MTIF2: variants seen among roughly 807,000 people sequenced by gnomAD.
MTIF2 encodes mitochondrial translational initiation factor 2.
Under a neutral mutation model 83.5 loss-of-function variants are expected in MTIF2, and 71 were observed. The ratio of observed to expected loss-of-function variants is 0.85; its 90% CI spans 0.70 to 1.04. The LOEUF is 1.04. Ranked by LOEUF, MTIF2 falls within the 50% of genes least tolerant of loss-of-function variation. The pLI is 0.00. For synonymous variants in MTIF2, 319 were observed against 287.1 expected, an observed-to-expected ratio of 1.11 and a Z score of -1.12; for missense variants, 957 against 846.5, an observed-to-expected ratio of 1.13 and a Z score of -1.62.
chr2:55,255,541 A>G (rs532099512), intron 5 of MTIF2, among the ~76,000 whole-genome samples: 2 of 145,488 alleles, frequency 1.4e-5, no homozygotes, highest in African/African-American at 2.7e-5. Context: ...CTCATGGCCA[A>G]TTGCACTATA....
intron 5 of MTIF2, among the ~76,000 whole-genome samples, chr2:55,258,018 T>C (rs762628262): frequency 1.3e-5 from 2 of 152,166 alleles, no homozygotes; most frequent in African/African-American, 2.4e-5. Context: ...TCTCAAACTC[T>C]TGGGCTCAAG....
At chr2:55,249,709 C>T (rs561165931) in intron 8 of MTIF2, among the ~76,000 whole-genome samples, 175 bp from the exon 9 acceptor site, 1 of 152,246 alleles carries the variant, frequency 6.6e-6, no homozygotes, top group South Asian at 2.1e-4. Context: ...CTGCGCTCTA[C>T]ATATAGAGAA....
rs1488795163 is a variant in MTIF2, at chr2:55,249,411, G to A, written c.965C>T (p.Pro322Leu). The part of the protein sequence containing the change: ...EDYGGDVQAV[P>L]VSALTGDNLM... ...CGCATTTACCGTAAGTGCGGAGACA[G>A]GCACTGCTTGAACATCACCTCCATA... The change falls in exon 9 of 16, where the codon CCT (proline) becomes CTT (leucine). Residue 322 changes from proline (P) to leucine (L), a missense_variant. Physicochemically the swap from Pro to Leu is moderately conservative, Grantham distance 98. Transcript: ENST00000263629. 6.2e-7 allele frequency: 1 copy of A among 1,614,142 alleles called. No homozygotes were observed. Among genetic ancestry groups the A allele is most frequent in the Non-Finnish European group, 8.5e-7 (1 of 1,180,016 alleles).
At chr2:55,264,112 A>T (rs1420513488) in intron 3 of MTIF2, among the ~76,000 whole-genome samples, 3 of 152,228 alleles carry the variant, frequency 2.0e-5, no homozygotes, top group Non-Finnish European at 4.4e-5. Flanking sequence ...TTGAAATACA[A>T]TAACAACTTG....
At chr2:55,238,497 T>C (rs12988617) in intron 14 of MTIF2, among the ~76,000 whole-genome samples, 1 of 150,866 alleles carries the variant, frequency 6.6e-6, no homozygotes, top group Non-Finnish European at 1.5e-5. Context: ...GTTCAAGCGA[T>C]TCTCCTGCCT....
At position 55,258,936 on chromosome 2, in the gene MTIF2, T is replaced by C. The variant is rs886226639; in HGVS notation, c.331+3380A>G. On this transcript the variant is annotated intron_variant, in intron 5 of 15. Coordinates refer to ENST00000263629, the MANE Select transcript of MTIF2 (RefSeq NM_002453.3). Reference sequence around the variant, plus strand: ...TGGAGGTTGCAGTGAGCTAAGATCATGCCATTGCACTCCAGCCTGCACAAC... The same window carrying C: ...TGGAGGTTGCAGTGAGCTAAGATCACGCCATTGCACTCCAGCCTGCACAAC... Among the ~76,000 whole-genome samples, 5 of 151,882 alleles carry C rather than the reference T, an allele frequency of 3.3e-5. No homozygotes were observed. The South Asian group carries it at 8.3e-4, about 25-fold the overall frequency.
At position 55,252,589 on chromosome 2, in the gene MTIF2, T is replaced by C. The variant is rs1677180672; in HGVS notation, c.729A>G (p.Ala243=). The C allele has an allele frequency of 6.2e-7, 1 of 1,614,052 alleles. No homozygotes were observed. The highest frequency in any genetic ancestry group is 1.7e-5 in the Admixed American group (1 of 59,998). Reference sequence around the variant, plus strand: ...TGACCTGAGCACCTCTGGCTCTCATTGCTGAGAAAGCAGCATGTCCTGGAG... The same window carrying C: ...TGACCTGAGCACCTCTGGCTCTCATCGCTGAGAAAGCAGCATGTCCTGGAG... The part of the protein sequence containing the change: ...LDTPGHAAFS[A]MRARGAQVTD... The change falls in exon 8 of 16, where the codon GCA becomes GCG. Residue 243 remains alanine (A), a synonymous_variant. Transcript: ENST00000263629.
intron 10 of MTIF2, among the ~76,000 whole-genome samples, chr2:55,245,913 C>T (rs907154221): frequency 6.6e-6 from 1 of 152,156 alleles, no homozygotes; most frequent in Non-Finnish European, 1.5e-5. Flanking sequence ...CTTGCTGATA[C>T]AGAGGAAAAT....
At chr2:55,239,207 A>G (rs1417817375) in intron 14 of MTIF2, among the ~76,000 whole-genome samples, 1 of 152,264 alleles carries the variant, frequency 6.6e-6, no homozygotes, top group Non-Finnish European at 1.5e-5. Context: ...AGATAAGAGC[A>G]TTGTACAAAT....
At chr2:55,259,545 C>A (rs1157566802) in intron 5 of MTIF2, among the ~76,000 whole-genome samples, 3 of 150,656 alleles carry the variant, frequency 2.0e-5, no homozygotes, top group African/African-American at 7.3e-5. Flanking sequence ...GAGATACATA[C>A]TGAAGTATTT....
intron 13 of MTIF2, among the ~76,000 whole-genome samples, chr2:55,242,016 C>T (rs376453828): frequency 6.6e-6 from 1 of 150,840 alleles, no homozygotes; most frequent in African/African-American, 2.4e-5. Flanking sequence ...CATGGTGGTG[C>T]ACGCCTATAA....
Position 55,254,165 on chromosome 2 carries a change from G to A in MTIF2, c.540C>T (p.Ser180=), listed in dbSNP as rs1677331903. The A allele has an allele frequency of 6.2e-7, 1 of 1,614,034 alleles. No individual in the cohort carries two copies. The highest frequency in any genetic ancestry group is 2.2e-5 in the East Asian group (1 of 44,872). The change falls in exon 7 of 16, where the codon TCC becomes TCT. Residue 180 remains serine, a synonymous_variant. Transcript: ENST00000263629. The part of the protein sequence containing the change: ...QADPALLTPR[S]PVVTIMGHVD... Reference sequence around the variant, plus strand: ...CATGGCCCATTATAGTAACAACTGGGGACCTTGGGGTTAATAAAGCTGGAT... The same window carrying A: ...CATGGCCCATTATAGTAACAACTGGAGACCTTGGGGTTAATAAAGCTGGAT...
chr2:55,249,642 A>G, intron 8 of MTIF2, 108 bp from the exon 9 acceptor site: 5 of 1,369,436 alleles, frequency 3.7e-6, no homozygotes, highest in South Asian at 1.4e-5. Flanking sequence ...TATTCAGTGG[A>G]TGTTTTTATC....
intron 14 of MTIF2, among the ~76,000 whole-genome samples, chr2:55,239,757 G>A (rs1468442950): frequency 6.6e-6 from 1 of 152,010 alleles, no homozygotes; most frequent in East Asian, 1.9e-4. Context: ...ATAATTATTT[G>A]TTCATATTTA....
In MTIF2 at chr2:55,243,579, T is replaced by C. The variant is rs1676480037; in HGVS notation, c.1401A>G (p.Arg467=). 6.2e-7 allele frequency: 1 copy of C among 1,614,110 alleles called. No individual in the cohort carries two copies. The highest frequency in any genetic ancestry group is 8.5e-7 in the Non-Finnish European group (1 of 1,180,012). The change falls in exon 12 of 16, where the codon CGA becomes CGG. Residue 467 remains arginine (R), a synonymous_variant. Coordinates refer to ENST00000263629, the MANE Select transcript of MTIF2 (RefSeq NM_002453.3). ...QEDLKIIEEK[R]KEHKEAHQKA... is the part of the protein sequence containing the mutation. The stretch of plus-strand genomic sequence containing the variant: ...TCTGATGTGCTTCTTTGTGTTCCTT[T>C]CGCTTTTCTTCTATTATTTTCAGAT...
In MTIF2 at chr2:55,240,266, G is replaced by A. The variant is rs1676206353; in HGVS notation, c.1706-91C>T. 4.9e-6 allele frequency: 6 copies of A among 1,231,408 alleles called. No homozygotes were observed. In the South Asian group the frequency reaches 6.1e-5, roughly 12 times the overall value. The allele number at this position is 1,231,408 out of a possible 1,614,324, so 76.3% of individuals were successfully genotyped here. A position where few individuals can be genotyped will look rare whatever the true frequency, so the allele number is the denominator to read the frequency against. ...TCAAGCAGAAACTTGAATCTAAATT[G>A]TTTTATTTTCTAAATTAAAATAGCA... On this transcript the variant is annotated intron_variant, in intron 13 of 15. Coordinates refer to ENST00000263629, the MANE Select transcript of MTIF2 (RefSeq NM_002453.3).
chr2:55,263,540 G>A, intron 4 of MTIF2, 100 bp downstream of exon 4: 1 of 853,936 alleles, frequency 1.2e-6, no homozygotes, highest in East Asian at 2.6e-5. Context: ...AACCCAAGAG[G>A]CGTAGGTTGC....
intron 15 of MTIF2, 25 bp from the exon 16 acceptor site, chr2:55,236,845 G>C (rs1675861111): frequency 6.6e-7 from 1 of 1,517,162 alleles, no homozygotes; most frequent in Non-Finnish European, 8.9e-7. Context: ...TTTAAGGTTA[G>C]TATATTCAAT....
intron 5 of MTIF2, among the ~76,000 whole-genome samples, chr2:55,261,344 G>T (rs558899105): frequency 6.6e-6 from 1 of 151,842 alleles, no homozygotes; most frequent in East Asian, 1.9e-4. Flanking sequence ...GTGGGATCAC[G>T]CCCCTAATCC....
Sources: gnomAD v4.1 joint callset for allele counts (sites outside exome capture counted in the v4.1 genomes callset) on GRCh38, gnomAD v4.1.1 for gene constraint, MANE v1.5 for transcripts, NCBI Gene and HGNC (gene_info 2026-07-23, HGNC 2026-07-21) for gene names.